Variants in CEP63 observed in about 807,000 individuals in gnomAD.
CEP63 encodes the protein centrosomal protein of 63 kDa.
A neutral mutation model predicts 89.1 loss-of-function variants in CEP63; 84 were observed. The observed-to-expected ratio is 0.94, with a 90% CI of 0.79 to 1.13. CEP63 has a LOEUF of 1.13. CEP63 is among the 50% of genes most tolerant of loss of function. The pLI is 0.00. For missense variants in CEP63, 838 were observed against 813.3 expected, an observed-to-expected ratio of 1.03 and a Z score of -0.37; for synonymous variants, 267 against 272.5, an observed-to-expected ratio of 0.98 and a Z score of 0.20.
chr3:134,697,631 A>G, the CEP63 span, among the ~76,000 whole-genome samples: 2 of 152,092 alleles, frequency 1.3e-5, no homozygotes, highest in Admixed American at 6.5e-5. Flanking sequence ...TCATGATTGT[A>G]CCCACACCTG....
intron 6 of CEP63, among the ~76,000 whole-genome samples, chr3:134,542,638 G>A (rs1382927391): frequency 6.6e-6 from 1 of 152,046 alleles, no homozygotes; most frequent in African/African-American, 2.4e-5. Context: ...TCACTCTCTG[G>A]GAGAGTCATT....
chr3:134,585,840 G>C lies in CEP63; in HGVS notation c.1207-1618G>C, dbSNP rs557711774. On this transcript the variant is annotated intron_variant, in intron 10 of 10. Coordinates refer to the CEP63 transcript ENST00000683931. The stretch of plus-strand genomic sequence containing the variant: ...GTGTGGGAGTCTAAGTCTCTTTGTA[G>C]GTCTCTAAGGACTTGCTTTATGAAT... Among the ~76,000 whole-genome samples, 1,284 of 152,210 alleles carry C rather than the reference G, an allele frequency of 8.4e-3. 6 individuals carry two copies. The highest frequency in any genetic ancestry group is 0.011 in the Non-Finnish European group (733 of 68,016).
chr3:134,607,718 C>T, the CEP63 span: 1 of 985,752 alleles, frequency 1.0e-6, no homozygotes. Context: ...CAAACATACT[C>T]AGCTGCCATG....
At chr3:134,531,820 A>T in intron 3 of CEP63, 25 bp from the exon 4 acceptor site, 1 of 1,536,570 alleles carries the variant, frequency 6.5e-7, no homozygotes, top group Non-Finnish European at 9.0e-7. Context: ...AATAGTGAAA[A>T]ATACTACCAC....
chr3:134,519,215 C>T (rs1396391664), intron 3 of CEP63, among the ~76,000 whole-genome samples: 4 of 152,100 alleles, frequency 2.6e-5, no homozygotes, highest in African/African-American at 9.7e-5. Flanking sequence ...CCTCTGCCTC[C>T]TGGGTTCAAG....
intron 11 of CEP63, among the ~76,000 whole-genome samples, chr3:134,570,891 A>G (rs887421903): frequency 1.3e-5 from 2 of 152,202 alleles, no homozygotes; most frequent in Non-Finnish European, 2.9e-5. Flanking sequence ...GGAGCAAGTC[A>G]CATCTTACAT....
chr3:134,530,668 A>T (rs1263315170), intron 3 of CEP63, among the ~76,000 whole-genome samples: 1 of 152,192 alleles, frequency 6.6e-6, no homozygotes, highest in Non-Finnish European at 1.5e-5. Flanking sequence ...ATTCAGTTAC[A>T]TCATTCACTT....
the CEP63 span, among the ~76,000 whole-genome samples, chr3:134,712,436 C>G: frequency 1.3e-5 from 2 of 152,056 alleles, no homozygotes; most frequent in African/African-American, 4.8e-5. Context: ...TCAATTTTAT[C>G]TTCTATTCTT....
the CEP63 span, among the ~76,000 whole-genome samples, chr3:134,742,451 T>C: frequency 6.6e-6 from 1 of 152,122 alleles, no homozygotes; most frequent in African/African-American, 2.4e-5. Context: ...TCTCCTTTGC[T>C]GGATAGCAGG....
At chr3:134,737,593 G>A in the CEP63 span, among the ~76,000 whole-genome samples, 1 of 152,180 alleles carries the variant, frequency 6.6e-6, no homozygotes, top group Non-Finnish European at 1.5e-5. Context: ...GTGGCTTAAA[G>A]AAACCACTAT....
chr3:134,688,667 GTGC>G, the CEP63 span, among the ~76,000 whole-genome samples: 7 of 152,172 alleles, frequency 4.6e-5, no homozygotes, highest in Admixed American at 4.6e-4. Flanking sequence ...GATAATCTGG[GTGC>G]TGTTCCATCA....
Position 134,532,777 on chromosome 3 carries a change from G to A in CEP63, c.319-1G>A. 6.3e-7 allele frequency: 1 copy of A among 1,598,708 alleles called. No homozygotes were observed. Among genetic ancestry groups the A allele is most frequent in the Non-Finnish European group, 8.6e-7 (1 of 1,167,068 alleles). On this transcript the variant is annotated splice_acceptor_variant, in intron 4 of 14. Coordinates refer to ENST00000675561, the MANE Select transcript of CEP63 (RefSeq NM_001353108.3). LOFTEE classifies it high-confidence loss of function. ...AAATATAGAAATAACTGTTTCTACA[G>A]TTATGCATACTGAAGAGAAGCTATG...
At chr3:134,509,987 G>A (rs1040605763) in intron 3 of CEP63, among the ~76,000 whole-genome samples, 4 of 152,166 alleles carry the variant, frequency 2.6e-5, no homozygotes, top group African/African-American at 9.7e-5. Context: ...AACTATAGAA[G>A]TCTCAGGTTA....
At chr3:134,737,849 C>A in the CEP63 span, among the ~76,000 whole-genome samples, 1 of 152,126 alleles carries the variant, frequency 6.6e-6, no homozygotes. Context: ...TGTCTCAGGG[C>A]CTCTCCTTCC....
At chr3:134,748,895 T>C in the CEP63 span, among the ~76,000 whole-genome samples, 1 of 151,688 alleles carries the variant, frequency 6.6e-6, no homozygotes, top group East Asian at 1.9e-4. Context: ...GGCCAGTGGG[T>C]TCTGTGGGCA....
At chr3:134,736,211 G>A in the CEP63 span, among the ~76,000 whole-genome samples, 1 of 152,086 alleles carries the variant, frequency 6.6e-6, no homozygotes, top group African/African-American at 2.4e-5. Flanking sequence ...TACGGAATAT[G>A]TATGTATGTA....
chr3:134,711,349 A>G, the CEP63 span, among the ~76,000 whole-genome samples: 4 of 152,164 alleles, frequency 2.6e-5, no homozygotes, highest in Admixed American at 6.5e-5. Context: ...CAGGCAATCT[A>G]TCAGTTTCAC....
chr3:134,731,444 TAAAC>T, the CEP63 span, among the ~76,000 whole-genome samples: 17 of 152,202 alleles, frequency 1.1e-4, no homozygotes, highest in South Asian at 3.3e-3. Flanking sequence ...AAATGAGAAA[TAAAC>T]AAACAAAATA....
At chr3:134,615,808 T>C in the CEP63 span, among the ~76,000 whole-genome samples, 1 of 152,146 alleles carries the variant, frequency 6.6e-6, no homozygotes, top group African/African-American at 2.4e-5. Context: ...TGGAACCAAG[T>C]GATGTTTTAG....
Sources: gnomAD v4.1 joint callset for allele counts (sites outside exome capture counted in the v4.1 genomes callset) on GRCh38, gnomAD v4.1.1 for gene constraint, MANE v1.5 for transcripts, NCBI Gene and HGNC (gene_info 2026-07-23, HGNC 2026-07-21) for gene names.